The following DARS1 variants were observed in gnomAD, a reference collection of about 807,000 sequenced individuals.
DARS1 encodes the protein aspartate--tRNA ligase, cytoplasmic.
Under a neutral mutation model 68.8 loss-of-function variants are expected in DARS1, and 51 were observed. That is an observed-to-expected ratio of 0.74 (90% CI 0.59 to 0.94). The LOEUF (loss-of-function observed/expected upper bound fraction) is 0.94. Among genes scored for constraint, DARS1 ranks in the 40% least tolerant of loss-of-function variants. DARS1 has a pLI of 0.00. For synonymous variants in DARS1, 203 were observed against 190.4 expected (o/e 1.07, Z -0.55); for missense variants, 607 against 597.3 (o/e 1.02, Z -0.17).
chr2:135,953,589 G>C (rs1312496022), intron 4 of DARS1, among the ~76,000 whole-genome samples: 1 of 152,102 alleles, frequency 6.6e-6, no homozygotes. Flanking sequence ...TGCCTCTAGT[G>C]GTGTTAGGTT....
intron 5 of DARS1, among the ~76,000 whole-genome samples, 176 bp from the exon 6 acceptor site, chr2:135,934,166 T>C (rs1329080562): frequency 6.6e-6 from 1 of 152,218 alleles, no homozygotes; most frequent in African/African-American, 2.4e-5. Context: ...ATGATTTGTT[T>C]AAAATGGGGA....
intron 2 of DARS1, among the ~76,000 whole-genome samples, chr2:135,981,857 G>A (rs1682640032): frequency 6.6e-6 from 1 of 151,724 alleles, no homozygotes; most frequent in African/African-American, 2.4e-5. Context: ...TGTAGAGATG[G>A]GGTCTCACTA....
chr2:135,938,307 C>T lies in DARS1; in HGVS notation c.424-4317G>A, dbSNP rs1028466755. ...GCTACTGAAGCTTGTGCATGCATCA[C>T]GTAGTTCCTGTGCCATGGTTTTCAG... On this transcript the variant is annotated intron_variant, in intron 5 of 15. Transcript: ENST00000264161. 2.6e-5 allele frequency among the ~76,000 whole-genome samples: 4 copies of T among 152,256 alleles called. No individual in the cohort carries two copies. In the South Asian group the frequency reaches 6.2e-4, roughly 24 times the overall value.
intron 4 of DARS1, among the ~76,000 whole-genome samples, chr2:135,949,957 C>T (rs1205208530): frequency 6.6e-6 from 1 of 152,142 alleles, no homozygotes; most frequent in Admixed American, 6.5e-5. Flanking sequence ...AAAGTAAATG[C>T]TAAGATCGTT....
At position 135,979,329 on chromosome 2, in the gene DARS1, T is replaced by C. The variant is rs777742868; in HGVS notation, c.162A>G (p.Gln54=). ...VLVRVRDLTI[Q]KADEVVWVRA... is the part of the protein sequence containing the mutation. Reference sequence around the variant, plus strand: ...GTACCCAAACAACTTCATCAGCTTTTTGTATTGTCAAGTCTCTAACCCGAA... The same window carrying C: ...GTACCCAAACAACTTCATCAGCTTTCTGTATTGTCAAGTCTCTAACCCGAA... Residue 54 remains glutamine, a synonymous_variant, in exon 3 of 16, where the codon CAA becomes CAG. Transcript: ENST00000264161. The C allele has an allele frequency of 2.6e-6, 4 of 1,513,470 alleles. No homozygotes were observed. The highest frequency in any genetic ancestry group is 3.3e-5 in the Admixed American group (2 of 59,888). The allele number at this position is 1,513,470 out of a possible 1,614,324, so 93.8% of individuals were successfully genotyped here. A position where few individuals can be genotyped will look rare whatever the true frequency, so the allele number is the denominator to read the frequency against.
Position 135,906,134 on chromosome 2 carries a change from T to C in DARS1, c.*1182A>G, listed in dbSNP as rs769226871. On this transcript the variant is annotated 3_prime_UTR_variant, in exon 16 of 16. Transcript: ENST00000264161. ...TTCAAAGACTGTACAATATAGATGG[T>C]AAACACCCCCTTTAACTTTCAAACA... is the stretch of plus-strand genomic sequence containing the variant. Among the ~76,000 whole-genome samples, 1 of 152,200 alleles carries C rather than the reference T, an allele frequency of 6.6e-6. No individual in the cohort carries two copies. The highest frequency in any genetic ancestry group is 1.5e-5 in the Non-Finnish European group (1 of 68,032).
In DARS1 at chr2:135,905,989, T is replaced by C. The variant is rs918519682; in HGVS notation, c.*1327A>G. ...TTTAGGGTCTAGCAATTACACACTA[T>C]AGAAGATGGATATTTTATTCTTGCT... is the stretch of plus-strand genomic sequence containing the variant. On this transcript the variant is annotated 3_prime_UTR_variant, in exon 16 of 16. Coordinates refer to ENST00000264161, the MANE Select transcript of DARS1 (RefSeq NM_001349.4). Among the ~76,000 whole-genome samples, 2 of 152,204 alleles carry C rather than the reference T, an allele frequency of 1.3e-5. No individual in the cohort carries two copies. The highest frequency in any genetic ancestry group is 4.8e-5 in the African/African-American group (2 of 41,468).
At chr2:135,946,158 G>A (rs1681715434) in intron 4 of DARS1, among the ~76,000 whole-genome samples, 1 of 152,136 alleles carries the variant, frequency 6.6e-6, no homozygotes, top group Non-Finnish European at 1.5e-5. Context: ...GAATACTTGC[G>A]TACATTACTG....
At chr2:135,943,228 T>C in intron 5 of DARS1, 150 bp downstream of exon 5, 4 of 1,143,884 alleles carry the variant, frequency 3.5e-6, no homozygotes, top group East Asian at 2.6e-5. Flanking sequence ...CTGGGGTGAT[T>C]TGTTATATAA....
chr2:135,971,586 G>T (rs1682370650), intron 3 of DARS1, among the ~76,000 whole-genome samples: 2 of 152,062 alleles, frequency 1.3e-5, no homozygotes, highest in South Asian at 2.1e-4. Context: ...AGAAATCTTA[G>T]CTAGAGCAAT....
At chr2:135,956,961 C>G (rs1314406379) in intron 4 of DARS1, among the ~76,000 whole-genome samples, 1 of 151,720 alleles carries the variant, frequency 6.6e-6, no homozygotes, top group Non-Finnish European at 1.5e-5. Flanking sequence ...GACGGGGTTT[C>G]ACCATGTTGG....
chr2:135,958,137 G>T (rs955663485), intron 4 of DARS1, among the ~76,000 whole-genome samples: 7 of 152,104 alleles, frequency 4.6e-5, no homozygotes, highest in African/African-American at 1.4e-4. Context: ...AGTAATCTAA[G>T]AATGACAATT....
chr2:135,975,753 C>CAAA (rs1170740469), intron 3 of DARS1, among the ~76,000 whole-genome samples: 1,047 of 71,688 alleles, frequency 0.015, 27 homozygotes, highest in African/African-American at 0.033. Flanking sequence ...GACCCTGACT[C>CAAA]AAAAAAAAAA....
chr2:135,933,686 T>C (rs1207959431), intron 6 of DARS1, among the ~76,000 whole-genome samples: 1 of 152,138 alleles, frequency 6.6e-6, no homozygotes, highest in Non-Finnish European at 1.5e-5. Context: ...AATATTGATA[T>C]ATATACCAAT....
intron 4 of DARS1, among the ~76,000 whole-genome samples, chr2:135,950,013 T>A (rs1218259121): frequency 6.6e-6 from 1 of 152,224 alleles, no homozygotes; most frequent in Non-Finnish European, 1.5e-5. Flanking sequence ...GCCTTTTAAA[T>A]GATTAAGAAA....
intron 10 of DARS1, among the ~76,000 whole-genome samples, chr2:135,916,854 A>G (rs1681016179): frequency 6.6e-6 from 1 of 152,150 alleles, no homozygotes; most frequent in Admixed American, 6.6e-5. Flanking sequence ...TGTTTACTGC[A>G]CTGAGCTGAA....
At chr2:135,927,661 T>C (rs952165874) in intron 7 of DARS1, among the ~76,000 whole-genome samples, 1 of 152,066 alleles carries the variant, frequency 6.6e-6, no homozygotes, top group Non-Finnish European at 1.5e-5. Flanking sequence ...ATAACGGCGA[T>C]TACAGAGGGC....
chr2:135,934,600 T>TG (rs1681425854), intron 5 of DARS1, among the ~76,000 whole-genome samples: 1 of 151,460 alleles, frequency 6.6e-6, no homozygotes, highest in South Asian at 2.1e-4. Context: ...CCAGCCTGGG[T>TG]GACAGTGAGA....
chr2:135,973,092 A>C (rs1682416348), intron 3 of DARS1, among the ~76,000 whole-genome samples: 1 of 152,224 alleles, frequency 6.6e-6, no homozygotes, highest in Non-Finnish European at 1.5e-5. Flanking sequence ...AAAGAAAGGA[A>C]ATCAGTGTAT....
Sources: gnomAD v4.1 joint callset for allele counts (sites outside exome capture counted in the v4.1 genomes callset) on GRCh38, gnomAD v4.1.1 for gene constraint, MANE v1.5 for transcripts, NCBI Gene and HGNC (gene_info 2026-07-23, HGNC 2026-07-21) for gene names.